Variants in DCC observed in about 807,000 individuals in gnomAD.
The protein encoded by DCC is DCC netrin 1 receptor, also known as netrin receptor DCC.
Under a neutral mutation model 172.5 loss-of-function variants are expected in DCC, and 58 were observed. That is an observed-to-expected ratio of 0.34 (90% CI 0.27 to 0.42). DCC has a LOEUF of 0.42. Ranked by LOEUF, DCC falls within the 10% of genes least tolerant of loss-of-function variation. DCC has a pLI of 1.00. For synonymous variants in DCC, 709 were observed against 644.5 expected (o/e 1.10, Z -1.52); for missense variants, 1,740 against 1,791.0 (o/e 0.97, Z 0.51).
intron 2 of DCC, among the ~76,000 whole-genome samples, chr18:52,887,040 G>A (rs1259865174): frequency 6.6e-6 from 1 of 152,158 alleles, no homozygotes; most frequent in Non-Finnish European, 1.5e-5. Flanking sequence ...AGGGTAATCT[G>A]AGCAGGAGCA....
chr18:52,571,373 A>G (rs1259062302), intron 1 of DCC, among the ~76,000 whole-genome samples: 1 of 152,006 alleles, frequency 6.6e-6, no homozygotes, highest in Non-Finnish European at 1.5e-5. Flanking sequence ...AGCATGGGTC[A>G]GTGTTTCTAT....
intron 12 of DCC, among the ~76,000 whole-genome samples, chr18:53,230,456 AAAT>A (rs1483658490): frequency 1.7e-4 from 26 of 152,174 alleles, no homozygotes; most frequent in Non-Finnish European, 4.4e-5. Context: ...GTATCATTTT[AAAT>A]AATAATGTGT....
intron 2 of DCC, among the ~76,000 whole-genome samples, chr18:52,764,832 G>C (rs1333464295): frequency 1.3e-5 from 2 of 152,026 alleles, no homozygotes; most frequent in Non-Finnish European, 2.9e-5. Flanking sequence ...GAAGTTTCTA[G>C]TAGATATCAC....
At chr18:53,049,637 T>C (rs2042307466) in intron 5 of DCC, among the ~76,000 whole-genome samples, 1 of 152,152 alleles carries the variant, frequency 6.6e-6, no homozygotes, top group Non-Finnish European at 1.5e-5. Flanking sequence ...AGCTTCGTTC[T>C]TTCTGCTTAG....
intron 27 of DCC, among the ~76,000 whole-genome samples, chr18:53,525,934 A>G (rs2046449569): frequency 6.6e-6 from 1 of 152,142 alleles, no homozygotes; most frequent in African/African-American, 2.4e-5. Context: ...AGCAGAATTT[A>G]TAAGGCAAAT....
chr18:52,792,706 T>C (rs766759175), intron 2 of DCC, among the ~76,000 whole-genome samples: 1 of 149,230 alleles, frequency 6.7e-6, no homozygotes, highest in African/African-American at 2.5e-5. Flanking sequence ...ATGCCTGTTA[T>C]TGATTTAATT....
At chr18:52,881,617 T>C (rs1307708675) in intron 2 of DCC, among the ~76,000 whole-genome samples, 1 of 152,204 alleles carries the variant, frequency 6.6e-6, no homozygotes. Flanking sequence ...ACTGTAAGTA[T>C]ATGGATTTAT....
intron 15 of DCC, among the ~76,000 whole-genome samples, chr18:53,355,937 A>C (rs1348739075): frequency 6.6e-6 from 1 of 152,052 alleles, no homozygotes; most frequent in Non-Finnish European, 1.5e-5. Flanking sequence ...AATTGTTGAG[A>C]TACTTCATCA....
At chr18:52,458,903 T>C (rs547405232) in intron 1 of DCC, among the ~76,000 whole-genome samples, 2 of 152,330 alleles carry the variant, frequency 1.3e-5, no homozygotes, top group Non-Finnish European at 2.9e-5. Context: ...CTTTTATTAT[T>C]GGTTTTGACT....
At chr18:52,892,378 G>T (rs562121354) in intron 2 of DCC, 1 of 152,178 alleles carries the variant, frequency 6.6e-6, no homozygotes, top group African/African-American at 2.4e-5. Context: ...TGACTTCCCA[G>T]GTGTGTCCTT....
At chr18:52,774,618 A>C (rs924178493) in intron 2 of DCC, among the ~76,000 whole-genome samples, 4 of 151,812 alleles carry the variant, frequency 2.6e-5, no homozygotes, top group Admixed American at 6.6e-5. Flanking sequence ...CCCCTCGCAG[A>C]GTGTGTGATG....
In DCC at chr18:52,721,562, T is replaced by C. The variant is rs202076928; in HGVS notation, c.92-30492T>C. Reference sequence around the variant, plus strand: ...ATATCTTACCTAGAAAGAGATAATCTGATTTATCTTCCAATGTACAATGGG... The same window carrying C: ...ATATCTTACCTAGAAAGAGATAATCCGATTTATCTTCCAATGTACAATGGG... On this transcript the variant is annotated intron_variant, in intron 1 of 28. Coordinates refer to ENST00000442544, the MANE Select transcript of DCC (RefSeq NM_005215.4). Among the ~76,000 whole-genome samples the C allele has an allele frequency of 3.3e-5, 5 of 152,340 alleles. No individual in the cohort carries two copies. In the East Asian group the frequency reaches 9.6e-4, roughly 29 times the overall value.
intron 25 of DCC, 144 bp downstream of exon 25, chr18:53,468,154 C>T: frequency 1.5e-6 from 1 of 664,970 alleles, no homozygotes; most frequent in Non-Finnish European, 2.7e-6. Flanking sequence ...AAAACCGTAT[C>T]ATTAATAATT....
intron 9 of DCC, among the ~76,000 whole-genome samples, chr18:53,190,036 C>T (rs1048510909): frequency 2.0e-5 from 3 of 152,212 alleles, no homozygotes; most frequent in Non-Finnish European, 2.9e-5. Flanking sequence ...AAGTGATTCT[C>T]CTGCCTCAGC....
intron 1 of DCC, among the ~76,000 whole-genome samples, chr18:52,699,659 G>A (rs1017437379): frequency 1.1e-4 from 17 of 152,166 alleles, no homozygotes; most frequent in African/African-American, 3.4e-4. Flanking sequence ...GCATTTGGTG[G>A]TAAGAAAGGT....
At chr18:53,024,659 T>TG (rs754975572) in intron 5 of DCC, among the ~76,000 whole-genome samples, 26 of 152,270 alleles carry the variant, frequency 1.7e-4, no homozygotes, top group Non-Finnish European at 1.0e-4. Context: ...TGCTTTCTTG[T>TG]GGGGTTCTAG....
At chr18:52,597,083 G>T (rs924044392) in intron 1 of DCC, among the ~76,000 whole-genome samples, 1 of 150,944 alleles carries the variant, frequency 6.6e-6, no homozygotes, top group African/African-American at 2.4e-5. Flanking sequence ...CAAGCATCAG[G>T]AAAGACTCGG....
At chr18:52,871,344 C>T (rs1472444620) in intron 2 of DCC, among the ~76,000 whole-genome samples, 1 of 151,660 alleles carries the variant, frequency 6.6e-6, no homozygotes, top group East Asian at 1.9e-4. Context: ...TGGCTGCCCA[C>T]AGCAAAGTTT....
At chr18:52,813,403 T>TGA (rs2038235168) in intron 2 of DCC, among the ~76,000 whole-genome samples, 1 of 152,028 alleles carries the variant, frequency 6.6e-6, no homozygotes, top group Non-Finnish European at 1.5e-5. Flanking sequence ...GAATGGCACA[T>TGA]GAGATGACTC....
Sources: allele counts gnomAD v4.1 joint callset (sites outside exome capture counted in the v4.1 genomes callset), GRCh38; gene constraint gnomAD v4.1.1; transcripts MANE v1.5; gene names NCBI Gene and HGNC (gene_info 2026-07-23, HGNC 2026-07-21).